Variants in SYCP2 observed in about 807,000 individuals in gnomAD.
SYCP2 encodes the protein synaptonemal complex lateral element protein.
In SYCP2, 55 loss-of-function variants were observed where a neutral mutation model predicts 211.3. That is an observed-to-expected ratio of 0.26 (90% CI 0.21 to 0.33). The LOEUF is 0.33. Among genes scored for constraint, SYCP2 ranks in the 10% least tolerant of loss-of-function variants. The probability of loss-of-function intolerance (pLI) is 1.00; values close to 1 mark genes in which losing one functional copy is unlikely to be tolerated. For missense variants in SYCP2, 1,731 were observed against 1,752.0 expected, an observed-to-expected ratio of 0.99 and a Z score of 0.21; for synonymous variants, 570 against 555.2, an observed-to-expected ratio of 1.03 and a Z score of -0.37.
intron 15 of SYCP2, among the ~76,000 whole-genome samples, chr20:59,905,233 G>T (rs1241121769): frequency 6.6e-6 from 1 of 151,972 alleles, no homozygotes. Flanking sequence ...TATGCCTATG[G>T]GTCTGAACTA....
intron 24 of SYCP2, 78 bp downstream of exon 24, chr20:59,891,912 A>G: frequency 7.9e-7 from 1 of 1,262,384 alleles, no homozygotes; most frequent in South Asian, 1.5e-5. Context: ...GTAGCAATTA[A>G]TCAAGTTTCT....
rs1345023700 is a variant in SYCP2, at chr20:59,900,172, C to A, written c.1370G>T (p.Ser457Ile). 6.2e-7 allele frequency: 1 copy of A among 1,613,194 alleles called. No individual in the cohort carries two copies. The highest frequency in any genetic ancestry group is 1.3e-5 in the African/African-American group (1 of 74,864). Reference sequence around the variant, plus strand: ...ACTATTATTTCTATTCCCTTTGTCACTGTTTTTGATATATTTTGAAGGTTT... The same window carrying A: ...ACTATTATTTCTATTCCCTTTGTCAATGTTTTTGATATATTTTGAAGGTTT... Reference protein sequence around the residue: ...FAKPSKYIKNSDKGNRNNSQL... With the variant: ...FAKPSKYIKNIDKGNRNNSQL... The change falls in exon 18 of 45, where the codon AGT becomes ATT. Residue 457 changes from serine to isoleucine, a missense_variant. Transcript: ENST00000357552.
At chr20:59,870,006 AC>A in intron 35 of SYCP2, 23 bp from the exon 36 acceptor site, 1 of 1,487,742 alleles carries the variant, frequency 6.7e-7, no homozygotes, top group Non-Finnish European at 9.0e-7. Context: ...ACATACAAAA[AC>A]CCAATAAGAA....
At chr20:59,914,906 A>T (rs1406057093) in intron 10 of SYCP2, among the ~76,000 whole-genome samples, 1 of 151,976 alleles carries the variant, frequency 6.6e-6, no homozygotes, top group East Asian at 1.9e-4. Context: ...CTATTAAATT[A>T]AGCTATTAAT....
Position 59,921,801 on chromosome 20 carries a change from C to T in SYCP2, c.25-348G>A, listed in dbSNP as rs2060546451. 2.0e-5 allele frequency among the ~76,000 whole-genome samples: 3 copies of T among 151,442 alleles called. No homozygotes were observed. In the South Asian group the frequency reaches 6.2e-4, roughly 31 times the overall value. On this transcript the variant is annotated intron_variant, in intron 3 of 44. Coordinates refer to ENST00000357552, the MANE Select transcript of SYCP2 (RefSeq NM_014258.4). Reference sequence around the variant, plus strand: ...AAACCAAGAATAAAAGCCTAGCATACCTGACTACTAATCTCTTAACGGGGT... The same window carrying T: ...AAACCAAGAATAAAAGCCTAGCATATCTGACTACTAATCTCTTAACGGGGT...
intron 24 of SYCP2, among the ~76,000 whole-genome samples, chr20:59,887,177 G>A (rs192298597): frequency 1.3e-5 from 2 of 151,314 alleles, no homozygotes; most frequent in Non-Finnish European, 2.9e-5. Context: ...ACAGGCCCCA[G>A]TGTGTGATGT....
In SYCP2 at chr20:59,886,747, T is replaced by C. The variant is rs142942464; in HGVS notation, c.2452A>G (p.Ile818Val). The C allele has an allele frequency of 0.01, 16,294 of 1,585,630 alleles. 113 individuals are homozygous for C. Among genetic ancestry groups the C allele is most frequent in the Non-Finnish European group, 0.013 (14,820 of 1,167,970 alleles). Reference sequence around the variant, plus strand: ...TCCTTTAATTTTCTTGTAGACTTGATGTCATCTTTTGTTTTGTATCTTTTA... The same window carrying C: ...TCCTTTAATTTTCTTGTAGACTTGACGTCATCTTTTGTTTTGTATCTTTTA... ...INKRYKTKDDIKSTRKLKESL... is the reference protein window; with the variant it reads ...INKRYKTKDDVKSTRKLKESL... The change falls in exon 25 of 45, where the codon ATC becomes GTC. Residue 818 changes from isoleucine (I) to valine (V), a missense_variant. By Grantham distance (29) the Ile-to-Val change is conservative (BLOSUM62 3). Around this residue, in one of 3 missense-constraint regions of SYCP2, gnomAD observed 1,387 missense variants for 1,351.3 expected, o/e 1.03. Transcript: ENST00000357552.
intron 14 of SYCP2, among the ~76,000 whole-genome samples, chr20:59,910,902 T>A (rs114842957): frequency 1.3e-5 from 2 of 151,888 alleles, no homozygotes; most frequent in African/African-American, 4.8e-5. Flanking sequence ...GTGCTAGTCA[T>A]TGGAACTCAA....
chr20:59,876,287 T>TTTGAACACTGGAGGCGGAGGTTGC, intron 33 of SYCP2, among the ~76,000 whole-genome samples: 2 of 140,140 alleles, frequency 1.4e-5, no homozygotes, highest in African/African-American at 5.3e-5. Flanking sequence ...AGGACAATCG[T>TTTGAACACTGGAGGCGGAGGTTGC]TTGAACACTG....
At chr20:59,879,854 TATATATATACAC>T (rs1371124556) in intron 31 of SYCP2, among the ~76,000 whole-genome samples, 217 of 107,586 alleles carry the variant, frequency 2.0e-3, no homozygotes, top group African/African-American at 7.9e-3. Flanking sequence ...TATATATATA[TATATATATACAC>T]ACACACACAC....
Position 59,914,008 on chromosome 20 carries a change from T to C in SYCP2, c.797A>G (p.Asn266Ser), listed in dbSNP as rs1190570357. 21 of 1,599,740 alleles carry C rather than the reference T, an allele frequency of 1.3e-5. No individual in the cohort carries two copies. Among genetic ancestry groups the C allele is most frequent in the Non-Finnish European group, 1.8e-5 (21 of 1,173,702 alleles). Residue 266 changes from asparagine (N) to serine (S), a missense_variant, in exon 12 of 45, where the codon AAC becomes AGC. Physicochemically the swap from Asn to Ser is conservative, Grantham distance 46 (BLOSUM62 1). Coordinates refer to ENST00000357552, the MANE Select transcript of SYCP2 (RefSeq NM_014258.4). ...EFETDCRIFLNLVNGMLGDKR... is the reference protein window; with the variant it reads ...EFETDCRIFLSLVNGMLGDKR... Reference sequence around the variant, plus strand: ...GTCTCCAAGCATGCCATTTACAAGGTTGAGAAATATCCTGCAATCCTAATT... The same window carrying C: ...GTCTCCAAGCATGCCATTTACAAGGCTGAGAAATATCCTGCAATCCTAATT...
intron 14 of SYCP2, among the ~76,000 whole-genome samples, chr20:59,909,067 T>A (rs1414445977): frequency 1.3e-5 from 2 of 152,174 alleles, no homozygotes; most frequent in African/African-American, 4.8e-5. Context: ...TTTCCTCTCA[T>A]AAAACCTCCT....
intron 24 of SYCP2, 35 bp from the exon 25 acceptor site, chr20:59,886,869 C>A (rs1381113431): frequency 6.7e-7 from 1 of 1,496,748 alleles, no homozygotes; most frequent in East Asian, 2.4e-5. Context: ...TAAACTCTAC[C>A]AGTTAATCTT....
chr20:59,893,229 A>G, intron 21 of SYCP2, 30 bp from the exon 22 acceptor site: 2 of 1,471,464 alleles, frequency 1.4e-6, no homozygotes, highest in East Asian at 2.3e-5. Context: ...TAATATTTTC[A>G]TTTTTTTCAT....
At chr20:59,876,030 A>G (rs543049279) in intron 33 of SYCP2, among the ~76,000 whole-genome samples, 3 of 152,114 alleles carry the variant, frequency 2.0e-5, no homozygotes, top group Admixed American at 2.0e-4. Context: ...ATAAGATGAG[A>G]GGTGGCTTGA....
chr20:59,926,114 C>T (rs2060629579), intron 2 of SYCP2, among the ~76,000 whole-genome samples: 2 of 152,020 alleles, frequency 1.3e-5, no homozygotes, highest in South Asian at 4.1e-4. Flanking sequence ...GGAACCTTCT[C>T]CTGTAAGACA....
rs1568969480 is a variant in SYCP2 at position 59,911,752 on chromosome 20, C to A, written c.970G>T (p.Asp324Tyr). The A allele has an allele frequency of 2.0e-6, 3 of 1,514,686 alleles. No individual in the cohort carries two copies. Among genetic ancestry groups the A allele is most frequent in the Middle Eastern group, 1.7e-4 (1 of 5,814 alleles). The allele number at this position is 1,514,686 out of a possible 1,614,324, so 93.8% of individuals were successfully genotyped here. A position where few individuals can be genotyped will look rare whatever the true frequency, so the allele number is the denominator to read the frequency against. ...AATACCAACCAAATTAAACTTACAT[C>A]ATTATCTCCAGCAATGTAGAATGAG... ...TLSFYIAGDN[D>Y]DHQWEAVTVP... Residue 324 changes from aspartate (D) to tyrosine (Y), a missense_variant and splice_region_variant, in exon 14 of 45, where the codon GAT becomes TAT. By Grantham distance (160) the Asp-to-Tyr change is radical. Transcript: ENST00000357552.
At chr20:59,914,312 A>G in intron 10 of SYCP2, 61 bp from the exon 11 acceptor site, 1 of 1,004,690 alleles carries the variant, frequency 1.0e-6, no homozygotes, top group African/African-American at 1.6e-5. Context: ...ATAAAAGACC[A>G]TATATTTTAC....
chr20:59,912,688 G>C (rs992873658), intron 12 of SYCP2, among the ~76,000 whole-genome samples: 3 of 152,154 alleles, frequency 2.0e-5, no homozygotes, highest in Non-Finnish European at 4.4e-5. Context: ...ATATGGTTTG[G>C]TTCTGTGTCC....
Sources: gnomAD v4.1 joint callset for allele counts (sites outside exome capture counted in the v4.1 genomes callset) on GRCh38, gnomAD v4.1.1 for gene constraint, gnomAD v4.1.1 regional missense constraint, MANE v1.5 for transcripts, NCBI Gene and HGNC (gene_info 2026-07-23, HGNC 2026-07-21) for gene names.